The following UTRN variants were observed in gnomAD, a reference collection of about 807,000 sequenced individuals.
The protein encoded by UTRN is utrophin.
A neutral mutation model predicts 463.9 loss-of-function variants in UTRN; 283 were observed. The observed-to-expected ratio is 0.61, with a 90% CI of 0.55 to 0.67. The LOEUF (loss-of-function observed/expected upper bound fraction) is 0.67. Among genes scored for constraint, UTRN ranks in the 30% least tolerant of loss-of-function variants. The probability of loss-of-function intolerance (pLI) is 0.00; values close to 1 mark genes in which losing one functional copy is unlikely to be tolerated. For synonymous variants in UTRN, 1,442 were observed against 1,431.5 expected (o/e 1.01, Z -0.17); for missense variants, 3,922 against 4,084.3 (o/e 0.96, Z 1.08).
chr6:144,451,044 G>A (rs866385570), intron 17 of UTRN, among the ~76,000 whole-genome samples: 17 of 152,234 alleles, frequency 1.1e-4, no homozygotes, highest in Middle Eastern at 6.8e-3. Flanking sequence ...ATCTGGAGGC[G>A]GAGGTTGCAG....
Position 144,426,347 on chromosome 6 carries a change from C to A in UTRN, c.466C>A (p.Leu156Met). ...GCAGCAGACGAACAGTGAGAAGATCCTGCTCAGCTGGGTGCGTCAGACCAC... is the reference window on the plus strand; with the variant it reads ...GCAGCAGACGAACAGTGAGAAGATCATGCTCAGCTGGGTGCGTCAGACCAC... ...DLQQTNSEKI[L>M]LSWVRQTTRP... The change falls in exon 7 of 75, where the codon CTG becomes ATG. Residue 156 changes from leucine to methionine, a missense_variant. Coordinates refer to ENST00000367545, the MANE Select transcript of UTRN (RefSeq NM_007124.3). The A allele has an allele frequency of 6.2e-7, 1 of 1,614,140 alleles. No homozygotes were observed. The highest frequency in any genetic ancestry group is 8.5e-7 in the Non-Finnish European group (1 of 1,180,010).
At chr6:144,505,209 C>G (rs1000223543) in intron 34 of UTRN, among the ~76,000 whole-genome samples, 10 of 152,116 alleles carry the variant, frequency 6.6e-5, no homozygotes, top group South Asian at 6.2e-4. Context: ...TTTCAAAAAA[C>G]CAGCTCCTGG....
At chr6:144,672,412 C>T (rs916061731) in intron 51 of UTRN, among the ~76,000 whole-genome samples, 2 of 151,746 alleles carry the variant, frequency 1.3e-5, no homozygotes, top group African/African-American at 4.8e-5. Context: ...GGAATTTATC[C>T]ATCTCCTCTG....
rs1562959679 is a variant in UTRN at position 144,828,801 on chromosome 6, T to C, written c.9611T>C (p.Met3204Thr). Reference sequence around the variant, plus strand: ...TTTTTATTTTGCAGACTGGCCCAGATGGAAAGGACTAATGGGTCTTTTCTC... The same window carrying C: ...TTTTTATTTTGCAGACTGGCCCAGACGGAAAGGACTAATGGGTCTTTTCTC... Reference protein sequence around the residue: ...IEQYATRLAQMERTNGSFLTD... With the variant: ...IEQYATRLAQTERTNGSFLTD... The change falls in exon 69 of 75, where the codon ATG (methionine) becomes ACG (threonine). Residue 3204 changes from methionine to threonine, a missense_variant. By Grantham distance (81) the Met-to-Thr change is moderately conservative. Around this residue, in one of 3 missense-constraint regions of UTRN, gnomAD observed 1,309 missense variants for 1,452.6 expected, o/e 0.90. Transcript: ENST00000367545. 1.2e-6 allele frequency: 2 copies of C among 1,613,364 alleles called. No individual in the cohort carries two copies. The highest frequency in any genetic ancestry group is 8.5e-7 in the Non-Finnish European group (1 of 1,179,572).
chr6:144,581,931 A>G (rs1360035979), intron 51 of UTRN, among the ~76,000 whole-genome samples: 3 of 152,066 alleles, frequency 2.0e-5, no homozygotes, highest in African/African-American at 7.2e-5. Flanking sequence ...TTTATACTCT[A>G]TCCTTTGAAT....
intron 44 of UTRN, among the ~76,000 whole-genome samples, chr6:144,538,907 GT>G (rs1403480740): frequency 6.6e-6 from 1 of 152,118 alleles, no homozygotes. Context: ...AATTTCAGTG[GT>G]TTTTTTGGGA....
At position 144,423,528 on chromosome 6, in the gene UTRN, CT is replaced by C. The variant is rs149750492; in HGVS notation, c.235-15del. 3.7e-6 allele frequency: 6 copies of C among 1,613,050 alleles called. No homozygotes were observed. The highest frequency in any genetic ancestry group is 4.2e-6 in the Non-Finnish European group (5 of 1,179,268). Reference sequence around the variant, plus strand: ...ATGGAGGGACAATCAGTTTTACTTGCTTTTTTGTTTTATTTTCCAGCCAAAG... The same window carrying C: ...ATGGAGGGACAATCAGTTTTACTTGCTTTTTGTTTTATTTTCCAGCCAAAG... On this transcript the variant is annotated intron_variant, in intron 4 of 74. Coordinates refer to ENST00000367545, the MANE Select transcript of UTRN (RefSeq NM_007124.3).
intron 2 of UTRN, among the ~76,000 whole-genome samples, chr6:144,359,724 T>C (rs919614382): frequency 4.6e-5 from 7 of 152,048 alleles, no homozygotes; most frequent in Non-Finnish European, 1.0e-4. Context: ...CGCATCGTTT[T>C]TTTTTTTTTT....
intron 58 of UTRN, among the ~76,000 whole-genome samples, chr6:144,759,778 G>T (rs1792441017): frequency 6.6e-6 from 1 of 151,976 alleles, no homozygotes; most frequent in African/African-American, 2.4e-5. Context: ...GCAAAGAAAT[G>T]GGATTCTCTC....
At chr6:144,683,995 G>C (rs904436450) in intron 52 of UTRN, among the ~76,000 whole-genome samples, 12 of 150,790 alleles carry the variant, frequency 8.0e-5, no homozygotes, top group Non-Finnish European at 1.5e-4. Flanking sequence ...GCTTCTTCCT[G>C]ATCTATATAT....
At chr6:144,465,888 A>T (rs1424509027) in intron 23 of UTRN, among the ~76,000 whole-genome samples, 2 of 152,198 alleles carry the variant, frequency 1.3e-5, no homozygotes. Flanking sequence ...GTAGGAACAA[A>T]ATAGTTAACT....
chr6:144,371,073 C>T (rs1779941194), intron 2 of UTRN, among the ~76,000 whole-genome samples: 1 of 152,230 alleles, frequency 6.6e-6, no homozygotes, highest in Non-Finnish European at 1.5e-5. Context: ...GGGCCTCCCA[C>T]TTATTCTACA....
intron 54 of UTRN, among the ~76,000 whole-genome samples, chr6:144,737,003 C>T (rs1030719166): frequency 6.6e-6 from 1 of 152,142 alleles, no homozygotes; most frequent in South Asian, 2.1e-4. Flanking sequence ...TTTCCCTTCC[C>T]GAGCTCTCTG....
chr6:144,671,084 C>T (rs909777878), intron 51 of UTRN, among the ~76,000 whole-genome samples: 1 of 151,536 alleles, frequency 6.6e-6, no homozygotes, highest in Non-Finnish European at 1.5e-5. Flanking sequence ...CTCCAGATTT[C>T]TCCCTTTTGT....
chr6:144,676,786 A>T (rs570207079), intron 51 of UTRN, among the ~76,000 whole-genome samples: 1 of 152,328 alleles, frequency 6.6e-6, no homozygotes, highest in Admixed American at 6.5e-5. Context: ...CATTTTAGAA[A>T]TAAATTTTAT....
At chr6:144,651,987 T>G (rs1778863733) in intron 51 of UTRN, among the ~76,000 whole-genome samples, 2 of 152,136 alleles carry the variant, frequency 1.3e-5, no homozygotes, top group South Asian at 4.1e-4. Flanking sequence ...TTCCCCTGAG[T>G]CCCCATTGTG....
chr6:144,494,528 G>A (rs1024920239), intron 33 of UTRN, among the ~76,000 whole-genome samples: 7 of 152,028 alleles, frequency 4.6e-5, no homozygotes, highest in African/African-American at 1.7e-4. Flanking sequence ...AAGGGGACCC[G>A]AGCGGGTTGC....
chr6:144,539,043 G>A (rs1358869398), intron 44 of UTRN, among the ~76,000 whole-genome samples: 3 of 152,110 alleles, frequency 2.0e-5, no homozygotes, highest in African/African-American at 4.8e-5. Flanking sequence ...ATATGACCCG[G>A]TTAAGAGACA....
In UTRN at chr6:144,733,918, G is replaced by A. The variant is rs1789061212; in HGVS notation, c.7939+3432G>A. Among the ~76,000 whole-genome samples, 4 of 152,186 alleles carry A rather than the reference G, an allele frequency of 2.6e-5. No individual in the cohort carries two copies. The South Asian group carries it at 8.3e-4, about 32-fold the overall frequency. ...AATTTTCTTACTTGCCCTAAGTTGA[G>A]GAATCCAGTTTTGAGCATTTTATAA... On this transcript the variant is annotated intron_variant, in intron 54 of 74. Transcript: ENST00000367545.
Sources: gnomAD v4.1 joint callset for allele counts (sites outside exome capture counted in the v4.1 genomes callset) on GRCh38, gnomAD v4.1.1 for gene constraint, gnomAD v4.1.1 regional missense constraint, MANE v1.5 for transcripts, NCBI Gene and HGNC (gene_info 2026-07-23, HGNC 2026-07-21) for gene names.